GABARAPL2: variants seen among roughly 807,000 people sequenced by gnomAD.
GABARAPL2 encodes the protein GABA type A receptor associated protein like 2.
A neutral mutation model predicts 16.9 loss-of-function variants in GABARAPL2; 11 were observed. The observed-to-expected ratio is 0.65, with a 90% CI of 0.41 to 1.08. The LOEUF is 1.08. Among genes scored for constraint, GABARAPL2 ranks in the 50% least tolerant of loss-of-function variants. The pLI is 0.00. For missense variants in GABARAPL2, 134 were observed against 142.5 expected (o/e 0.94, Z 0.30); for synonymous variants, 57 against 50.7 (o/e 1.12, Z -0.53).
intron 3 of GABARAPL2, chr16:75,576,114 G>A (rs2080947902): frequency 6.6e-6 from 1 of 152,104 alleles, no homozygotes; most frequent in Non-Finnish European, 1.5e-5. Context: ...TCCTCACAGG[G>A]AGCACCGTTT....
In GABARAPL2 at chr16:75,566,535, G is replaced by A; in HGVS notation, c.34+15G>A. ...CCACTCGCTGGGTAAGCACTTGGTCGTCGGCCCGGCTGCTGGGGGCTGGGG... is the reference window on the plus strand; with the variant it reads ...CCACTCGCTGGGTAAGCACTTGGTCATCGGCCCGGCTGCTGGGGGCTGGGG... On this transcript the variant is annotated intron_variant, in intron 1 of 3. Coordinates refer to ENST00000037243, the MANE Select transcript of GABARAPL2 (RefSeq NM_007285.7). The A allele has an allele frequency of 1.2e-6, 2 of 1,607,460 alleles. No individual in the cohort carries two copies. Among genetic ancestry groups the A allele is most frequent in the Non-Finnish European group, 1.7e-6 (2 of 1,177,840 alleles).
Position 75,577,423 on chromosome 16 carries a change from C to G in GABARAPL2, c.*54C>G, listed in dbSNP as rs1025703582. On this transcript the variant is annotated 3_prime_UTR_variant, in exon 4 of 4. Transcript: ENST00000037243. ...ACTGCTTGTGTATCTTGTAAATAGC[C>G]AGCCATTTTCAGTTATTATACCAGA... is the stretch of plus-strand genomic sequence containing the variant. 1 of 995,554 alleles carries G rather than the reference C, an allele frequency of 1.0e-6. No homozygotes were observed. The highest frequency in any genetic ancestry group is 1.6e-6 in the Non-Finnish European group (1 of 615,660). The allele number at this position is 995,554 out of a possible 1,614,324, so 61.7% of individuals were successfully genotyped here.
In GABARAPL2 at chr16:75,577,462, G is replaced by C; in HGVS notation, c.*93G>C. On this transcript the variant is annotated 3_prime_UTR_variant, in exon 4 of 4. Transcript: ENST00000037243. Reference sequence around the variant, plus strand: ...TATTATACCAGAACCTCTTCACATAGACCTATTAGTGCATTTGTAACTGGA... The same window carrying C: ...TATTATACCAGAACCTCTTCACATACACCTATTAGTGCATTTGTAACTGGA... 1.3e-6 allele frequency: 1 copy of C among 765,040 alleles called. No individual in the cohort carries two copies. Among genetic ancestry groups the C allele is most frequent in the East Asian group, 2.5e-5 (1 of 40,746 alleles). The allele number at this position is 765,040 out of a possible 1,614,324, so 47.4% of individuals were successfully genotyped here.
chr16:75,574,523 T>C (rs765040420), intron 3 of GABARAPL2, among the ~76,000 whole-genome samples: 20 of 152,168 alleles, frequency 1.3e-4, no homozygotes, highest in Non-Finnish European at 2.6e-4. Context: ...AGCCTCATTC[T>C]GAGGAGTTTC....
At chr16:75,570,260 C>G (rs542597814) in intron 3 of GABARAPL2, among the ~76,000 whole-genome samples, 1 of 151,988 alleles carries the variant, frequency 6.6e-6, no homozygotes, top group Non-Finnish European at 1.5e-5. Flanking sequence ...GTCACCACAC[C>G]GGGCTAAAAA....
chr16:75,569,448 C>T (rs2080902500), intron 3 of GABARAPL2, among the ~76,000 whole-genome samples: 1 of 152,212 alleles, frequency 6.6e-6, no homozygotes, highest in Non-Finnish European at 1.5e-5. Flanking sequence ...TCCCAGGCCT[C>T]TGGGCTGTGT....
At chr16:75,570,764 G>C (rs944609866) in intron 3 of GABARAPL2, among the ~76,000 whole-genome samples, 1 of 152,120 alleles carries the variant, frequency 6.6e-6, no homozygotes, top group Non-Finnish European at 1.5e-5. Context: ...TAAATTCTAA[G>C]TTCTTGTTTC....
rs894931266 is a variant in GABARAPL2, at chr16:75,566,434, G to A, written c.-53G>A. The A allele has an allele frequency of 2.9e-6, 4 of 1,370,312 alleles. No homozygotes were observed. The highest frequency in any genetic ancestry group is 1.9e-4 in the Middle Eastern group (1 of 5,278). The allele number at this position is 1,370,312 out of a possible 1,614,324, so 84.9% of individuals were successfully genotyped here. A position where few individuals can be genotyped will look rare whatever the true frequency, so the allele number is the denominator to read the frequency against. ...CGCCGTCGTTGTTGTTGTGCTCGGT[G>A]CGCTGAGCTCCGCGGCTCCGCGAGC... On this transcript the variant is annotated 5_prime_UTR_variant, in exon 1 of 4. Coordinates refer to ENST00000037243, the MANE Select transcript of GABARAPL2 (RefSeq NM_007285.7).
chr16:75,574,416 G>A (rs2080934875), intron 3 of GABARAPL2, among the ~76,000 whole-genome samples: 1 of 152,214 alleles, frequency 6.6e-6, no homozygotes, highest in South Asian at 2.1e-4. Context: ...GGTAGTGGCA[G>A]CGGGGAGATG....
Position 75,577,346 on chromosome 16 carries a change from G to A in GABARAPL2, c.331G>A (p.Gly111Arg). ...EDGFLYVAYS[G>R]ENTFGF The stretch of plus-strand genomic sequence containing the variant: ...TGGATTCTTATATGTGGCCTACAGC[G>A]GAGAGAACACTTTTGGCTTCTGAGG... The change falls in exon 4 of 4, where the codon GGA (glycine) becomes AGA (arginine). Residue 111 changes from glycine (G) to arginine (R), a missense_variant. By Grantham distance (125) the Gly-to-Arg change is moderately radical. Transcript: ENST00000037243. 1.9e-6 allele frequency: 3 copies of A among 1,610,736 alleles called. No individual in the cohort carries two copies. Among genetic ancestry groups the A allele is most frequent in the Non-Finnish European group, 1.7e-6 (2 of 1,176,918 alleles).
rs1597059017 is a variant in GABARAPL2 at position 75,571,423 on chromosome 16, C to T, written c.263+3214C>T. Among the ~76,000 whole-genome samples, 3 of 152,302 alleles carry T rather than the reference C, an allele frequency of 2.0e-5. No homozygotes were observed. In the South Asian group the frequency reaches 6.2e-4, roughly 32 times the overall value. On this transcript the variant is annotated intron_variant, in intron 3 of 3. Coordinates refer to ENST00000037243, the MANE Select transcript of GABARAPL2 (RefSeq NM_007285.7). ...AAATGAAAAGTGATTTTCAGGGCAA[C>T]AGAGACTGCTTCAAGGCCATTTTCT...
At chr16:75,574,097 CAT>C (rs1231488733) in intron 3 of GABARAPL2, among the ~76,000 whole-genome samples, 2 of 152,188 alleles carry the variant, frequency 1.3e-5, no homozygotes, top group African/African-American at 4.8e-5. Context: ...ATGAAAGCCA[CAT>C]GATTGTGGGC....
chr16:75,566,668 GC>G, intron 1 of GABARAPL2, 148 bp downstream of exon 1: 6 of 999,892 alleles, frequency 6.0e-6, no homozygotes, highest in Non-Finnish European at 9.0e-6. Flanking sequence ...TCGGGCAGCG[GC>G]CCCCTGACCC....
At position 75,566,455 on chromosome 16, in the gene GABARAPL2, C is replaced by A; in HGVS notation, c.-32C>A. 1 of 1,538,870 alleles carries A rather than the reference C, an allele frequency of 6.5e-7. No individual in the cohort carries two copies. The highest frequency in any genetic ancestry group is 8.8e-7 in the Non-Finnish European group (1 of 1,132,158). On this transcript the variant is annotated 5_prime_UTR_variant, in exon 1 of 4. Transcript: ENST00000037243. ...CGGTGCGCTGAGCTCCGCGGCTCCG[C>A]GAGCCGGTTCCGTCCCCTTCCCGCC...
intron 3 of GABARAPL2, among the ~76,000 whole-genome samples, chr16:75,570,680 T>G (rs1009716225): frequency 6.6e-6 from 1 of 152,210 alleles, no homozygotes; most frequent in African/African-American, 2.4e-5. Context: ...TGTCATGATT[T>G]TTATTTAGAG....
In GABARAPL2 at chr16:75,566,438, T is replaced by A. The variant is rs1453978255; in HGVS notation, c.-49T>A. On this transcript the variant is annotated 5_prime_UTR_variant, in exon 1 of 4. Transcript: ENST00000037243. ...GTCGTTGTTGTTGTGCTCGGTGCGC[T>A]GAGCTCCGCGGCTCCGCGAGCCGGT... 7.1e-7 allele frequency: 1 copy of A among 1,417,238 alleles called. No homozygotes were observed. The allele number at this position is 1,417,238 out of a possible 1,614,324, so 87.8% of individuals were successfully genotyped here.
chr16:75,566,898 C>G lies in GABARAPL2; in HGVS notation c.81C>G (p.Asp27Glu), dbSNP rs1353699372. The change falls in exon 2 of 4, where the codon GAC becomes GAG. Residue 27 changes from aspartate (D) to glutamate (E), a missense_variant. Coordinates refer to ENST00000037243, the MANE Select transcript of GABARAPL2 (RefSeq NM_007285.7). The part of the protein sequence containing the change: ...ESAKIRAKYP[D>E]RVPVIVEKVS... The stretch of plus-strand genomic sequence containing the variant: ...CGAAGATTCGAGCGAAATATCCCGA[C>G]AGGGTTCCGGTGAGTGGACTCTCCG... 1.4e-5 allele frequency: 22 copies of G among 1,613,364 alleles called. No homozygotes were observed. The highest frequency in any genetic ancestry group is 1.6e-5 in the Non-Finnish European group (19 of 1,179,584).
intron 3 of GABARAPL2, chr16:75,576,402 C>T (rs1360279349): frequency 6.6e-6 from 1 of 152,248 alleles, no homozygotes; most frequent in African/African-American, 2.4e-5. Context: ...ATCTTCCCCA[C>T]TGGCTCTTGG....
chr16:75,569,436 C>T (rs185064347), intron 3 of GABARAPL2, among the ~76,000 whole-genome samples: 4 of 152,342 alleles, frequency 2.6e-5, no homozygotes, highest in Admixed American at 2.0e-4. Context: ...TCTAACCTTC[C>T]TTCCCAGGCC....
Sources: gnomAD v4.1 joint callset for allele counts (sites outside exome capture counted in the v4.1 genomes callset) on GRCh38, gnomAD v4.1.1 for gene constraint, MANE v1.5 for transcripts, NCBI Gene and HGNC (gene_info 2026-07-23, HGNC 2026-07-21) for gene names.